XKR9: variants seen among roughly 807,000 people sequenced by gnomAD.
XKR9 encodes XK-related protein 9.
Under a neutral mutation model 32.0 loss-of-function variants are expected in XKR9, and 32 were observed. That is an observed-to-expected ratio of 1.00 (90% CI 0.76 to 1.34). The LOEUF is 1.34. Among genes scored for constraint, XKR9 ranks in the 40% most tolerant of loss-of-function variants. The pLI is 0.00. For synonymous variants in XKR9, 168 were observed against 143.4 expected, an observed-to-expected ratio of 1.17 and a Z score of -1.22; for missense variants, 546 against 429.7, an observed-to-expected ratio of 1.27 and a Z score of -2.39.
chr8:70,786,320 GT>G (rs1292757485), intron 2 of XKR9, among the ~76,000 whole-genome samples: 1 of 152,068 alleles, frequency 6.6e-6, no homozygotes, highest in East Asian at 1.9e-4. Context: ...CAAGTTTAAT[GT>G]TTCCTTATTA....
At chr8:70,837,554 T>G in the XKR9 span, among the ~76,000 whole-genome samples, 2 of 152,022 alleles carry the variant, frequency 1.3e-5, no homozygotes, top group Non-Finnish European at 2.9e-5. Flanking sequence ...TCAGTGAACA[T>G]GAGTGCTGGC....
At chr8:70,880,062 C>G in the XKR9 span, among the ~76,000 whole-genome samples, 12 of 152,044 alleles carry the variant, frequency 7.9e-5, no homozygotes, top group African/African-American at 2.9e-4. Flanking sequence ...AGGCCTTTGA[C>G]AAAATTCAAC....
chr8:70,801,822 T>G, the XKR9 span, among the ~76,000 whole-genome samples: 3 of 152,210 alleles, frequency 2.0e-5, no homozygotes, highest in Non-Finnish European at 4.4e-5. Flanking sequence ...TCTAAGAACA[T>G]GCTTTATGAA....
rs544733924 is a variant in XKR9 at position 70,770,080 on chromosome 8, T to A, written n.353-19259T>A. Among the ~76,000 whole-genome samples, 7 of 152,320 alleles carry A rather than the reference T, an allele frequency of 4.6e-5. No individual in the cohort carries two copies. The East Asian group carries it at 9.7e-4, about 21-fold the overall frequency. On this transcript the variant is annotated intron_variant and non_coding_transcript_variant, in intron 2 of 3. Transcript: ENST00000520273. ...TTTTTTCCTCCTCATCATGGATTTA[T>A]CTACTGTTGCTCTTTAATGCAGAGG... is the stretch of plus-strand genomic sequence containing the variant.
the XKR9 span, among the ~76,000 whole-genome samples, chr8:71,031,550 G>C: frequency 3.9e-5 from 6 of 152,148 alleles, no homozygotes; most frequent in Non-Finnish European, 8.8e-5. Flanking sequence ...AGAACTAAAT[G>C]AGGCAATGCA....
chr8:70,705,098 T>C (rs1165672856), intron 3 of XKR9, among the ~76,000 whole-genome samples: 1 of 152,170 alleles, frequency 6.6e-6, no homozygotes, highest in Non-Finnish European at 1.5e-5. Flanking sequence ...TTATTTACAA[T>C]GGGAATACTT....
chr8:70,944,672 G>A, the XKR9 span, among the ~76,000 whole-genome samples: 1 of 152,296 alleles, frequency 6.6e-6, no homozygotes, highest in South Asian at 2.1e-4. Context: ...CCAGTTAGCG[G>A]CAGCAAATAA....
At chr8:70,983,760 G>A in the XKR9 span, among the ~76,000 whole-genome samples, 1 of 151,510 alleles carries the variant, frequency 6.6e-6, no homozygotes, top group Admixed American at 6.6e-5. Flanking sequence ...TGGCCTGGGG[G>A]ACAAGGGCAA....
the XKR9 span, among the ~76,000 whole-genome samples, chr8:70,930,278 G>A: frequency 6.6e-6 from 1 of 152,190 alleles, no homozygotes; most frequent in East Asian, 1.9e-4. Flanking sequence ...AGCTGAGATG[G>A]GCTCCTAATA....
At chr8:71,011,801 T>C in the XKR9 span, among the ~76,000 whole-genome samples, 5 of 152,194 alleles carry the variant, frequency 3.3e-5, no homozygotes, top group Non-Finnish European at 5.9e-5. Context: ...TTGCCAAAAA[T>C]TTGATGAAAA....
the XKR9 span, among the ~76,000 whole-genome samples, chr8:70,895,579 A>T: frequency 2.0e-5 from 3 of 152,176 alleles, no homozygotes; most frequent in Non-Finnish European, 4.4e-5. Flanking sequence ...GCTGAAAAAG[A>T]TATCCTTTTC....
At chr8:70,877,504 A>T in the XKR9 span, among the ~76,000 whole-genome samples, 1 of 152,188 alleles carries the variant, frequency 6.6e-6, no homozygotes, top group Admixed American at 6.5e-5. Flanking sequence ...CAGAGCTAGG[A>T]TACAGACTCA....
intron 3 of XKR9, among the ~76,000 whole-genome samples, chr8:70,690,029 A>T (rs949780788): frequency 4.6e-5 from 7 of 152,152 alleles, no homozygotes; most frequent in African/African-American, 1.7e-4. Flanking sequence ...AAGAAAATTG[A>T]ATTAGGTTGG....
intron 4 of XKR9, among the ~76,000 whole-genome samples, chr8:70,718,029 C>T (rs1024532590): frequency 4.6e-5 from 7 of 152,174 alleles, no homozygotes; most frequent in African/African-American, 1.7e-4. Flanking sequence ...CCATCTGAGA[C>T]CACCTCATCC....
the XKR9 span, among the ~76,000 whole-genome samples, chr8:70,858,758 A>G: frequency 6.6e-6 from 1 of 152,156 alleles, no homozygotes; most frequent in Non-Finnish European, 1.5e-5. Flanking sequence ...AGTGGGGGAA[A>G]GGACAGTCTC....
chr8:71,052,875 A>G, the XKR9 span, among the ~76,000 whole-genome samples: 3 of 152,060 alleles, frequency 2.0e-5, no homozygotes, highest in Admixed American at 1.3e-4. Flanking sequence ...ACAGGCTGGG[A>G]CTCTGGAGAG....
the XKR9 span, among the ~76,000 whole-genome samples, chr8:70,854,930 T>A: frequency 6.6e-6 from 1 of 152,200 alleles, no homozygotes. Context: ...CGTAGCCTTG[T>A]AGTATAGTTT....
chr8:70,830,055 A>G, the XKR9 span, among the ~76,000 whole-genome samples: 2 of 152,118 alleles, frequency 1.3e-5, no homozygotes, highest in African/African-American at 4.8e-5. Flanking sequence ...TCTTTGTCAT[A>G]TTGGTTATAA....
chr8:71,051,851 G>A, the XKR9 span, among the ~76,000 whole-genome samples: 3 of 152,310 alleles, frequency 2.0e-5, no homozygotes, highest in South Asian at 2.1e-4. Flanking sequence ...CATGCAATGC[G>A]TGAATAATTC....
Sources: allele counts gnomAD v4.1 joint callset (sites outside exome capture counted in the v4.1 genomes callset), GRCh38; gene constraint gnomAD v4.1.1; transcripts MANE v1.5; gene names NCBI Gene and HGNC (gene_info 2026-07-23, HGNC 2026-07-21).